The following ATP11A variants were observed in gnomAD, a reference collection of about 807,000 sequenced individuals.
The protein encoded by ATP11A is phospholipid-transporting ATPase IH.
In ATP11A, 81 loss-of-function variants were observed where a neutral mutation model predicts 154.4. The ratio of observed to expected loss-of-function variants is 0.52; its 90% confidence interval spans 0.44 to 0.63. The LOEUF is 0.63. Ranked by LOEUF, ATP11A falls within the 30% of genes least tolerant of loss-of-function variation. The pLI, the probability that ATP11A is intolerant of heterozygous loss-of-function variation, is 0.00. For synonymous variants in ATP11A, 623 were observed against 585.9 expected (o/e 1.06, Z -0.91); for missense variants, 1,316 against 1,474.3 (o/e 0.89, Z 1.76).
chr13:112,843,392 A>G (rs2079483664), intron 17 of ATP11A, among the ~76,000 whole-genome samples: 1 of 151,982 alleles, frequency 6.6e-6, no homozygotes, highest in African/African-American at 2.4e-5. Flanking sequence ...CGGTGTCTGC[A>G]CCCTTCTCCC....
chr13:112,794,824 T>C (rs1401859240), intron 2 of ATP11A, among the ~76,000 whole-genome samples: 5 of 148,164 alleles, frequency 3.4e-5, no homozygotes, highest in East Asian at 4.2e-4. Flanking sequence ...GCCGAGATTG[T>C]GCCAACGCAC....
intron 1 of ATP11A, among the ~76,000 whole-genome samples, chr13:112,721,502 C>T (rs1889176624): frequency 6.6e-6 from 1 of 152,200 alleles, no homozygotes; most frequent in South Asian, 2.1e-4. Flanking sequence ...CACACTGCAG[C>T]GGTCACTGCT....
At chr13:112,867,218 C>T (rs1325057248) in intron 25 of ATP11A, among the ~76,000 whole-genome samples, 1 of 152,186 alleles carries the variant, frequency 6.6e-6, no homozygotes, top group Non-Finnish European at 1.5e-5. Flanking sequence ...ATCAGCTGGA[C>T]GTTCAGATCA....
chr13:112,858,540 G>T (rs1204236912), intron 22 of ATP11A: 3 of 400,120 alleles, frequency 7.5e-6, no homozygotes, highest in Non-Finnish European at 1.4e-5. Context: ...GAAATAAACA[G>T]TTCCTCAGGT....
At chr13:112,783,807 C>T (rs975029419) in intron 1 of ATP11A, among the ~76,000 whole-genome samples, 1 of 152,224 alleles carries the variant, frequency 6.6e-6, no homozygotes, top group Non-Finnish European at 1.5e-5. Flanking sequence ...GGTTTTAGTG[C>T]TGACATCAAA....
chr13:112,823,963 GATGTAA>G (rs1431074581), intron 9 of ATP11A, among the ~76,000 whole-genome samples: 2 of 152,116 alleles, frequency 1.3e-5, no homozygotes, highest in Non-Finnish European at 1.5e-5. Flanking sequence ...TACCTAGCAC[GATGTAA>G]ATACCCTGTA....
intron 29 of ATP11A, among the ~76,000 whole-genome samples, chr13:112,879,596 C>T (rs571144912): frequency 6.0e-4 from 91 of 152,340 alleles, no homozygotes; most frequent in African/African-American, 1.8e-3. Flanking sequence ...GACAGTGGCA[C>T]GGAGTTTCTC....
intron 1 of ATP11A, among the ~76,000 whole-genome samples, chr13:112,692,797 T>C (rs1193141691): frequency 6.6e-6 from 1 of 152,252 alleles, no homozygotes; most frequent in African/African-American, 2.4e-5. Context: ...ATTTGACTTT[T>C]TCCAGAAACA....
chr13:112,740,337 G>A (rs940720162), intron 1 of ATP11A, among the ~76,000 whole-genome samples: 1 of 152,006 alleles, frequency 6.6e-6, no homozygotes, highest in Non-Finnish European at 1.5e-5. Flanking sequence ...ACCACACCCG[G>A]CTAATTTTGT....
chr13:112,786,888 C>A (rs1359043622), intron 2 of ATP11A, among the ~76,000 whole-genome samples: 1 of 152,158 alleles, frequency 6.6e-6, no homozygotes, highest in Admixed American at 6.5e-5. Context: ...GATGTGTAGA[C>A]CCCTGCGATA....
In ATP11A at chr13:112,696,037, C is replaced by T. The variant is rs1025961388; in HGVS notation, c.39+5582C>T. Reference sequence around the variant, plus strand: ...GGTTAGGCGTCGGAGTCTGACAGACCCACATTCAAGTTCCGTCTCGGCTGA... The same window carrying T: ...GGTTAGGCGTCGGAGTCTGACAGACTCACATTCAAGTTCCGTCTCGGCTGA... On this transcript the variant is annotated intron_variant, in intron 1 of 29. Transcript: ENST00000375645. This position sits in a 1 kb window ranked among gnomAD's most constrained non-coding sequence, Gnocchi z 6.2. 1.3e-5 allele frequency among the ~76,000 whole-genome samples: 2 copies of T among 152,174 alleles called. No individual in the cohort carries two copies. Among genetic ancestry groups the T allele is most frequent in the Non-Finnish European group, 2.9e-5 (2 of 68,040 alleles).
chr13:112,780,821 C>T (rs1210541459), intron 1 of ATP11A, among the ~76,000 whole-genome samples: 1 of 152,114 alleles, frequency 6.6e-6, no homozygotes, highest in South Asian at 2.1e-4. Context: ...TGCCTGGTTT[C>T]AGCTTTGCTT....
chr13:112,800,802 T>C (rs1461545144), intron 2 of ATP11A, among the ~76,000 whole-genome samples: 1 of 152,204 alleles, frequency 6.6e-6, no homozygotes, highest in Non-Finnish European at 1.5e-5. Context: ...TTATACACCA[T>C]GACCAAGTGG....
At chr13:112,864,335 T>C (rs2080239550) in intron 25 of ATP11A, among the ~76,000 whole-genome samples, 1 of 95,150 alleles carries the variant, frequency 1.1e-5, no homozygotes, top group Non-Finnish European at 2.2e-5. Flanking sequence ...TGGGCAGTAA[T>C]TCAGTGCAGG....
intron 6 of ATP11A, among the ~76,000 whole-genome samples, chr13:112,817,740 G>A (rs1041363202): frequency 3.3e-5 from 5 of 152,246 alleles, no homozygotes; most frequent in Non-Finnish European, 7.3e-5. Context: ...TGTGGAAGAT[G>A]TTAAAACAGC....
intron 24 of ATP11A, chr13:112,860,649 C>G: frequency 4.4e-6 from 2 of 451,020 alleles, no homozygotes; most frequent in Non-Finnish European, 7.9e-6. Flanking sequence ...CTGTGTGGAG[C>G]CAGTTTGCAC....
At chr13:112,878,186 T>C (rs779107471) in intron 28 of ATP11A, 31 bp from the exon 29 acceptor site, 3 of 1,595,550 alleles carry the variant, frequency 1.9e-6, no homozygotes, top group Admixed American at 3.3e-5. Flanking sequence ...CACACACCCC[T>C]GTGTGCGTGG....
At chr13:112,730,615 C>T (rs983982081) in intron 1 of ATP11A, among the ~76,000 whole-genome samples, 1 of 152,238 alleles carries the variant, frequency 6.6e-6, no homozygotes, top group African/African-American at 2.4e-5. Context: ...GGCTCCCGTG[C>T]GGAGTCTGCG....
In ATP11A at chr13:112,805,125, C is replaced by T. The variant is rs184812669; in HGVS notation, c.252+79C>T. 1.2e-4 allele frequency: 131 copies of T among 1,054,266 alleles called. 1 individual carries two copies. In the East Asian group the frequency reaches 2.5e-3, roughly 21 times the overall value. 65.3% of individuals were successfully genotyped at this position (1,054,266 alleles called of 1,614,324 possible). A position where few individuals can be genotyped will look rare whatever the true frequency, so the allele number is the denominator to read the frequency against. ...ATTTTATTCTCAGGTAACTGCCACACGGCTAATGAAAGAGCAAGGACATGG... is the reference window on the plus strand; with the variant it reads ...ATTTTATTCTCAGGTAACTGCCACATGGCTAATGAAAGAGCAAGGACATGG... On this transcript the variant is annotated intron_variant, in intron 3 of 29. Coordinates refer to ENST00000375645, the MANE Select transcript of ATP11A (RefSeq NM_015205.3).
Sources: gnomAD v4.1 joint callset for allele counts (sites outside exome capture counted in the v4.1 genomes callset) on GRCh38, gnomAD v4.1.1 for gene constraint, Gnocchi (gnomAD v3.1) non-coding constraint, MANE v1.5 for transcripts, NCBI Gene and HGNC (gene_info 2026-07-23, HGNC 2026-07-21) for gene names.